The following CDH11 variants were observed in gnomAD, a reference collection of about 807,000 sequenced individuals.
CDH11 encodes cadherin-11.
In CDH11, 11 loss-of-function variants were observed where a neutral mutation model predicts 67.8. The observed-to-expected ratio is 0.16, with a 90% CI of 0.10 to 0.27. The LOEUF (loss-of-function observed/expected upper bound fraction) is 0.27. CDH11 is among the 10% of genes least tolerant of loss of function. CDH11 has a pLI of 1.00. For missense variants in CDH11, 847 were observed against 1,031.2 expected, an observed-to-expected ratio of 0.82 and a Z score of 2.45; for synonymous variants, 419 against 400.0, an observed-to-expected ratio of 1.05 and a Z score of -0.57.
At chr16:65,112,108 G>C (rs1332680170) in intron 1 of CDH11, among the ~76,000 whole-genome samples, 1 of 151,792 alleles carries the variant, frequency 6.6e-6, no homozygotes, top group African/African-American at 2.4e-5. Context: ...CAATGTGGAG[G>C]AAGAATTACA....
Position 65,109,962 on chromosome 16 carries a change from G to A in CDH11, c.-298+11918C>T, listed in dbSNP as rs8060425. The stretch of plus-strand genomic sequence containing the variant: ...AGTGGCGCAATCCCAGCTTACTGCA[G>A]CCTCGACCTCTCCGGCTCAAGCAAT... On this transcript the variant is annotated intron_variant, in intron 1 of 12. Transcript: ENST00000268603. Among the ~76,000 whole-genome samples the A allele has an allele frequency of 4.7e-3, 710 of 152,232 alleles. 6 individuals are homozygous for A. The highest frequency in any genetic ancestry group is 0.016 in the African/African-American group (684 of 41,536).
rs945889378 is a variant in CDH11, at chr16:64,945,598, C to T, written c.*2005G>A. On this transcript the variant is annotated 3_prime_UTR_variant, in exon 13 of 13. Coordinates refer to ENST00000268603, the MANE Select transcript of CDH11 (RefSeq NM_001797.4). ...TACAAAAACTATATAAAAAAATGAA[C>T]ACAACCTGCAATTATGGAAGTATTG... 50 of 1,032,642 alleles carry T rather than the reference C, an allele frequency of 4.8e-5. No homozygotes were observed. Among genetic ancestry groups the T allele is most frequent in the Non-Finnish European group, 5.5e-5 (47 of 858,466 alleles). 64.0% of individuals were successfully genotyped at this position (1,032,642 alleles called of 1,614,324 possible).
intron 2 of CDH11, among the ~76,000 whole-genome samples, chr16:65,012,658 G>T (rs1213202207): frequency 1.3e-5 from 2 of 152,180 alleles, no homozygotes; most frequent in African/African-American, 4.8e-5. Context: ...TCTTCATGGA[G>T]CCCACCCTAC....
chr16:64,965,205 C>CAAAA lies in CDH11; in HGVS notation c.1642+6370_1642+6373dup, dbSNP rs71143537. 2.3e-3 allele frequency among the ~76,000 whole-genome samples: 133 copies of CAAAA among 56,928 alleles called. 5 individuals are homozygous for CAAAA. The highest frequency in any genetic ancestry group is 7.0e-3 in the African/African-American group (78 of 11,194). 37.3% of individuals were successfully genotyped at this position (56,928 alleles called of 152,430 possible). On this transcript the variant is annotated intron_variant, in intron 11 of 12. Transcript: ENST00000268603. Reference sequence around the variant, plus strand: ...GAAACCCCATCTCTACTAAAAATACCAAAAAAAAAAAAAAAAAAAAAAAAA... The same window carrying CAAAA: ...GAAACCCCATCTCTACTAAAAATACCAAAAAAAAAAAAAAAAAAAAAAAAAAAAA...
At position 64,950,927 on chromosome 16, in the gene CDH11, G is replaced by T; in HGVS notation, c.1734C>A (p.Gly578=). ...YLLPIVISDG[G]IPPMSSTNTL... ...TGTTGGTGCTACTCATGGGCGGGAT[G>T]CCGCCATCGCTGATCACTATGGGCA... The change falls in exon 12 of 13, where the codon GGC becomes GGA. Residue 578 remains glycine, a synonymous_variant. Coordinates refer to ENST00000268603, the MANE Select transcript of CDH11 (RefSeq NM_001797.4). 1 of 1,614,200 alleles carries T rather than the reference G, an allele frequency of 6.2e-7. No homozygotes were observed. Among genetic ancestry groups the T allele is most frequent in the Non-Finnish European group, 8.5e-7 (1 of 1,180,034 alleles).
chr16:65,065,797 G>T (rs1431291567), intron 1 of CDH11, among the ~76,000 whole-genome samples: 1 of 152,216 alleles, frequency 6.6e-6, no homozygotes, highest in Non-Finnish European at 1.5e-5. Flanking sequence ...TAAACCAGGG[G>T]CCTGCTCATG....
At chr16:65,068,234 G>A (rs182990729) in intron 1 of CDH11, among the ~76,000 whole-genome samples, 5 of 150,964 alleles carry the variant, frequency 3.3e-5, no homozygotes, top group Non-Finnish European at 7.4e-5. Context: ...GGGAAGGAGG[G>A]AGGAAGGGAA....
chr16:65,096,070 T>C (rs1380002156), intron 1 of CDH11, among the ~76,000 whole-genome samples: 1 of 152,222 alleles, frequency 6.6e-6, no homozygotes, highest in Non-Finnish European at 1.5e-5. Context: ...TATACATAAA[T>C]GCAGAAGTAT....
rs71376755 is a variant in CDH11, at chr16:65,045,329, G to GTGTA, written c.-173+8474_-173+8475insTACA. Among the ~76,000 whole-genome samples, 39 of 63,290 alleles carry GTGTA rather than the reference G, an allele frequency of 6.2e-4. 1 individual carries two copies. The Middle Eastern group carries it at 0.03, about 49-fold the overall frequency. The allele number at this position is 63,290 out of a possible 152,430, so 41.5% of individuals were successfully genotyped here. On this transcript the variant is annotated intron_variant, in intron 2 of 12. Coordinates refer to ENST00000268603, the MANE Select transcript of CDH11 (RefSeq NM_001797.4). ...TTTTAAAAATTTGTTTCCCTCAAAA[G>GTGTA]TATATATATATATATATATATATAT...
At chr16:65,094,193 G>A (rs2074843891) in intron 1 of CDH11, among the ~76,000 whole-genome samples, 1 of 152,210 alleles carries the variant, frequency 6.6e-6, no homozygotes, top group African/African-American at 2.4e-5. Context: ...TTAAGATGGA[G>A]CAAAGTACTT....
chr16:64,993,666 G>T, intron 4 of CDH11, among the ~76,000 whole-genome samples: 1 of 152,146 alleles, frequency 6.6e-6, no homozygotes, highest in East Asian at 1.9e-4. Context: ...CTGGTGAGAG[G>T]TAAGGGAAGC....
Position 65,052,124 on chromosome 16 carries a change from T to C in CDH11, c.-173+1680A>G, listed in dbSNP as rs190374256. Among the ~76,000 whole-genome samples the C allele has an allele frequency of 1.6e-4, 24 of 152,268 alleles. No homozygotes were observed. The South Asian group carries it at 4.4e-3, about 28-fold the overall frequency. ...GACTTTTCTCTGTTAGTCACCTTAG[T>C]CCACCTTCCTCACATTTAATTAAAA... On this transcript the variant is annotated intron_variant, in intron 2 of 12. Coordinates refer to ENST00000268603, the MANE Select transcript of CDH11 (RefSeq NM_001797.4).
intron 11 of CDH11, among the ~76,000 whole-genome samples, chr16:64,953,647 C>A (rs1015993333): frequency 6.6e-6 from 1 of 152,150 alleles, no homozygotes; most frequent in African/African-American, 2.4e-5. Flanking sequence ...TTGTTCCATA[C>A]TTAGCAATTA....
At chr16:65,069,682 T>C (rs1003072891) in intron 1 of CDH11, among the ~76,000 whole-genome samples, 4 of 152,178 alleles carry the variant, frequency 2.6e-5, no homozygotes, top group African/African-American at 9.7e-5. Flanking sequence ...ATCATCGAAG[T>C]GTCAAATTAA....
At chr16:65,062,369 C>G (rs1210331210) in intron 1 of CDH11, among the ~76,000 whole-genome samples, 1 of 152,162 alleles carries the variant, frequency 6.6e-6, no homozygotes, top group Non-Finnish European at 1.5e-5. Flanking sequence ...ACTGCAAACA[C>G]ACACACACAC....
chr16:65,121,870 C>G lies in CDH11; in HGVS notation c.-298+10G>C, dbSNP rs1042968270. ...CCAGGCGAGAGGAAGGGACTGGCGG[C>G]GCACCTCACCTGGGGCCCTTGAGGG... On this transcript the variant is annotated intron_variant, in intron 1 of 12. Transcript: ENST00000268603. This position sits in a 1 kb window ranked among gnomAD's most constrained non-coding sequence, Gnocchi z 4.1. The G allele has an allele frequency of 1.4e-6, 1 of 701,946 alleles. No individual in the cohort carries two copies. 43.5% of individuals were successfully genotyped at this position (701,946 alleles called of 1,614,324 possible).
chr16:65,103,175 T>C (rs1415694162), intron 1 of CDH11, among the ~76,000 whole-genome samples: 1 of 152,136 alleles, frequency 6.6e-6, no homozygotes, highest in Non-Finnish European at 1.5e-5. Flanking sequence ...ATAACCTGGG[T>C]GTTGAAAGCA....
chr16:64,973,617 C>A (rs1430415353), intron 8 of CDH11, among the ~76,000 whole-genome samples: 1 of 152,030 alleles, frequency 6.6e-6, no homozygotes, highest in Non-Finnish European at 1.5e-5. Context: ...ACCAGCCTGA[C>A]CAACATGGTG....
At chr16:65,007,000 C>G (rs1174756743) in intron 2 of CDH11, 1 of 152,186 alleles carries the variant, frequency 6.6e-6, no homozygotes, top group Non-Finnish European at 1.5e-5. Flanking sequence ...TAAGGGTACC[C>G]ATGCCTTGAA....
Sources: allele counts gnomAD v4.1 joint callset (sites outside exome capture counted in the v4.1 genomes callset), GRCh38; gene constraint gnomAD v4.1.1; non-coding constraint Gnocchi (gnomAD v3.1); transcripts MANE v1.5; gene names NCBI Gene and HGNC (gene_info 2026-07-23, HGNC 2026-07-21).